RBFOX1: variants seen among roughly 807,000 people sequenced by gnomAD.
RBFOX1 encodes the protein RNA binding fox-1 homolog 1, also known as RNA binding protein fox-1 homolog 1.
RBFOX1 carries 8 observed loss-of-function variants against 57.7 expected under a neutral mutation model. That is an observed-to-expected ratio of 0.14 (90% CI 0.08 to 0.25). The LOEUF is 0.25. Among genes scored for constraint, RBFOX1 ranks in the 10% least tolerant of loss-of-function variants. The pLI, the probability that RBFOX1 is intolerant of heterozygous loss-of-function variation, is 1.00. For synonymous variants in RBFOX1, 326 were observed against 222.4 expected (o/e 1.47, Z -4.15); for missense variants, 611 against 548.5 (o/e 1.11, Z -1.14).
intron 2 of RBFOX1, among the ~76,000 whole-genome samples, chr16:6,640,367 G>A (rs1301653224): frequency 1.3e-5 from 2 of 152,066 alleles, no homozygotes; most frequent in African/African-American, 2.4e-5. Flanking sequence ...CCAGAACTTG[G>A]GGAGGCCGAG....
At position 6,302,323 on chromosome 16, in the gene RBFOX1, CTAT is replaced by C. The variant is rs577817350; in HGVS notation, c.-126-14670_-126-14668del. Among the ~76,000 whole-genome samples the C allele has an allele frequency of 3.1e-3, 473 of 152,210 alleles. 4 individuals carry two copies. Among genetic ancestry groups the C allele is most frequent in the Middle Eastern group, 6.8e-3 (2 of 294 alleles). Reference sequence around the variant, plus strand: ...GTGCTGTATTCATCTTTCTGCCTCGCTATTTTTCCTTCATTTCCTTCATTGTCT... The same window carrying C: ...GTGCTGTATTCATCTTTCTGCCTCGCTTTTCCTTCATTTCCTTCATTGTCT... On this transcript the variant is annotated intron_variant, in intron 1 of 15. Coordinates refer to ENST00000550418, the MANE Select transcript of RBFOX1 (RefSeq NM_018723.4).
At chr16:5,454,826 TCCTTG>T in intron 1 of RBFOX1, among the ~76,000 whole-genome samples, 1 of 149,670 alleles carries the variant, frequency 6.7e-6, no homozygotes, top group African/African-American at 2.5e-5. Context: ...TTCCTTTCTT[TCCTTG>T]CTTTCTTTCC....
intron 4 of RBFOX1, among the ~76,000 whole-genome samples, chr16:7,359,503 C>T (rs1028235377): frequency 3.3e-5 from 5 of 152,276 alleles, no homozygotes; most frequent in South Asian, 2.1e-4. Context: ...TAAGGTTGCT[C>T]AGGAAGGGAG....
exon 3 of RBFOX1, chr16:5,599,130 C>G: frequency 1.6e-6 from 1 of 642,532 alleles, no homozygotes; most frequent in Non-Finnish European, 2.6e-6. Context: ...AGCACTTGCA[C>G]AATTTCTATC....
chr16:7,040,356 A>G (rs1428644114), intron 3 of RBFOX1, among the ~76,000 whole-genome samples: 1 of 152,068 alleles, frequency 6.6e-6, no homozygotes, highest in Non-Finnish European at 1.5e-5. Context: ...CATACTTACT[A>G]TGTGCCAGGC....
chr16:6,103,072 G>C (rs2096333938), intron 1 of RBFOX1, among the ~76,000 whole-genome samples: 1 of 152,178 alleles, frequency 6.6e-6, no homozygotes, highest in Non-Finnish European at 1.5e-5. Flanking sequence ...GATCGAAGTT[G>C]GACACTTGTT....
chr16:7,172,191 C>T (rs2080833170), intron 4 of RBFOX1, among the ~76,000 whole-genome samples: 1 of 151,998 alleles, frequency 6.6e-6, no homozygotes, highest in African/African-American at 2.4e-5. Flanking sequence ...TGGAATGAGC[C>T]AATAATTCCA....
At chr16:5,859,281 A>T (rs28711101) in intron 3 of RBFOX1, among the ~76,000 whole-genome samples, 2,520 of 152,308 alleles carry the variant, frequency 0.017, 86 homozygotes, top group African/African-American at 0.057. Context: ...GGTAGGGCTC[A>T]TAATATCAGA....
intron 1 of RBFOX1, among the ~76,000 whole-genome samples, chr16:6,188,789 A>G (rs1326456777): frequency 2.0e-5 from 3 of 152,218 alleles, no homozygotes; most frequent in Non-Finnish European, 4.4e-5. Flanking sequence ...AAATGTCCCA[A>G]ACCTTCCTAC....
intron 1 of RBFOX1, among the ~76,000 whole-genome samples, chr16:5,357,311 A>G (rs1257159564): frequency 6.6e-6 from 1 of 152,228 alleles, no homozygotes; most frequent in Non-Finnish European, 1.5e-5. Context: ...ATATGGCCCA[A>G]TTAGAGACCT....
chr16:7,630,550 G>A, intron 10 of RBFOX1, 53 bp from the exon 11 acceptor site: 1 of 1,609,360 alleles, frequency 6.2e-7, no homozygotes, highest in South Asian at 1.1e-5. Flanking sequence ...TGATCTCTCA[G>A]GTGTAGTGTA....
chr16:7,095,789 G>A (rs1013628603), intron 4 of RBFOX1, among the ~76,000 whole-genome samples: 3 of 152,028 alleles, frequency 2.0e-5, no homozygotes, highest in Admixed American at 1.3e-4. Context: ...TCGGGAGACC[G>A]ATCATGAGGT....
intron 4 of RBFOX1, among the ~76,000 whole-genome samples, chr16:7,293,399 C>T (rs571060877): frequency 2.6e-4 from 39 of 152,126 alleles, no homozygotes; most frequent in Non-Finnish European, 3.8e-4. Context: ...GGATAGTGAA[C>T]GATGACTCTA....
intron 3 of RBFOX1, among the ~76,000 whole-genome samples, chr16:5,667,613 TA>T (rs1317015041): frequency 2.6e-5 from 4 of 152,252 alleles, no homozygotes; most frequent in African/African-American, 9.6e-5. Context: ...CTTGCTTGTA[TA>T]TTCGGGTTGA....
intron 2 of RBFOX1, among the ~76,000 whole-genome samples, chr16:5,479,257 T>G (rs1015664241): frequency 6.6e-6 from 1 of 152,160 alleles, no homozygotes; most frequent in African/African-American, 2.4e-5. Context: ...CAAGCCTTGT[T>G]GCCAATCAGA....
At chr16:7,185,255 G>A (rs1338366577) in intron 4 of RBFOX1, among the ~76,000 whole-genome samples, 1 of 152,078 alleles carries the variant, frequency 6.6e-6, no homozygotes, top group African/African-American at 2.4e-5. Flanking sequence ...TCTAAAGAAA[G>A]CAAATTGAAG....
intron 3 of RBFOX1, among the ~76,000 whole-genome samples, chr16:6,854,283 A>C (rs1443611157): frequency 6.6e-6 from 1 of 152,172 alleles, no homozygotes; most frequent in Non-Finnish European, 1.5e-5. Context: ...GAATGTAAGG[A>C]AAGATGGAGG....
At chr16:6,936,075 C>A (rs770456612) in intron 3 of RBFOX1, among the ~76,000 whole-genome samples, 2 of 152,134 alleles carry the variant, frequency 1.3e-5, no homozygotes, top group Non-Finnish European at 2.9e-5. Flanking sequence ...AGGCTGACTG[C>A]GGGCATTTCC....
intron 3 of RBFOX1, among the ~76,000 whole-genome samples, chr16:6,873,098 C>A (rs1421635931): frequency 6.7e-6 from 1 of 150,140 alleles, no homozygotes. Context: ...CCTTGTATTT[C>A]TTACTTGAGA....
Sources: allele counts gnomAD v4.1 joint callset (sites outside exome capture counted in the v4.1 genomes callset), GRCh38; gene constraint gnomAD v4.1.1; transcripts MANE v1.5; gene names NCBI Gene and HGNC (gene_info 2026-07-23, HGNC 2026-07-21).